The following POU6F2 variants were observed in gnomAD, a reference collection of about 807,000 sequenced individuals.
POU6F2 encodes the protein POU class 6 homeobox 2.
Under a neutral mutation model 71.3 loss-of-function variants are expected in POU6F2, and 31 were observed. That is an observed-to-expected ratio of 0.43 (90% CI 0.33 to 0.59). POU6F2 has a LOEUF of 0.59. Ranked by LOEUF, POU6F2 falls within the 20% of genes least tolerant of loss-of-function variation. The probability of loss-of-function intolerance (pLI) is 0.04; values close to 1 mark genes in which losing one functional copy is unlikely to be tolerated. For synonymous variants in POU6F2, 347 were observed against 355.7 expected (o/e 0.98, Z 0.27); for missense variants, 783 against 856.8 (o/e 0.91, Z 1.07).
Position 39,460,644 on chromosome 7 carries a change from G to C in POU6F2, c.1587G>C (p.Leu529=). ...AAATCCGGCGCCTGTCCCTTGGCCT[G>C]ACCCAGACTCAGGTGGGACAGGCTC... The part of the protein sequence containing the change: ...AFKIRRLSLG[L]TQTQVGQALS... Residue 529 remains leucine (L), a synonymous_variant, in exon 9 of 10, where the codon CTG becomes CTC. Transcript: ENST00000518318. This position sits in a 1 kb window ranked among gnomAD's most constrained non-coding sequence, Gnocchi z 4.4. 1 of 1,609,586 alleles carries C rather than the reference G, an allele frequency of 6.2e-7. No individual in the cohort carries two copies. Among genetic ancestry groups the C allele is most frequent in the South Asian group, 1.1e-5 (1 of 89,980 alleles).
intron 4 of POU6F2, among the ~76,000 whole-genome samples, chr7:39,225,591 C>G (rs957432020): frequency 6.6e-6 from 1 of 152,018 alleles, no homozygotes; most frequent in Non-Finnish European, 1.5e-5. Flanking sequence ...CTTCACCCCC[C>G]ACCAAAGGGA....
intron 1 of POU6F2, among the ~76,000 whole-genome samples, chr7:39,019,308 C>G (rs1213011666): frequency 7.2e-5 from 11 of 152,150 alleles, no homozygotes; most frequent in Admixed American, 7.2e-4. Flanking sequence ...ATGTCTGAAA[C>G]CAATTTGGTC....
intron 2 of POU6F2, among the ~76,000 whole-genome samples, chr7:39,157,735 A>C (rs1367282467): frequency 6.6e-6 from 1 of 152,238 alleles, no homozygotes; most frequent in Non-Finnish European, 1.5e-5. Context: ...CCTACAGCTG[A>C]AATCATGCAC....
rs532937288 is a variant in POU6F2, at chr7:39,300,329, C to T, written c.599-39313C>T. Among the ~76,000 whole-genome samples, 18 of 152,176 alleles carry T rather than the reference C, an allele frequency of 1.2e-4. 1 individual carries two copies. In the East Asian group the frequency reaches 2.5e-3, roughly 21 times the overall value. ...ATAATCAAGGATGTATCCAGATCCCCGAAGACCAGGAAGGGAGGGAAAGTG... is the reference window on the plus strand; with the variant it reads ...ATAATCAAGGATGTATCCAGATCCCTGAAGACCAGGAAGGGAGGGAAAGTG... On this transcript the variant is annotated intron_variant, in intron 4 of 9. Coordinates refer to ENST00000518318, the MANE Select transcript of POU6F2 (RefSeq NM_001370959.1).
rs1323216671 is a variant in POU6F2, at chr7:39,067,063, G to A, written c.106-18797G>A. ...ATAAAATGTATATATTATGTATATGGCATATATATACACTTAACGTATACA... is the reference window on the plus strand; with the variant it reads ...ATAAAATGTATATATTATGTATATGACATATATATACACTTAACGTATACA... On this transcript the variant is annotated intron_variant, in intron 1 of 9. Transcript: ENST00000518318. Among the ~76,000 whole-genome samples, 3 of 146,442 alleles carry A rather than the reference G, an allele frequency of 2.0e-5. No individual in the cohort carries two copies. The South Asian group carries it at 6.5e-4, about 32-fold the overall frequency.
chr7:39,034,008 T>C (rs1030504580), intron 1 of POU6F2, among the ~76,000 whole-genome samples: 1 of 152,154 alleles, frequency 6.6e-6, no homozygotes, highest in Non-Finnish European at 1.5e-5. Flanking sequence ...AATTTTTCAG[T>C]GTGCGTAAAT....
rs567066091 is a variant in POU6F2, at chr7:39,448,647, A to C, written c.1321-2886A>C. On this transcript the variant is annotated intron_variant, in intron 7 of 9. Coordinates refer to ENST00000518318, the MANE Select transcript of POU6F2 (RefSeq NM_001370959.1). ...TGCTCTAGTGACTCTTAATTTAAGC[A>C]ATATTGCAGTCTAGTAATTTTTTCT... Among the ~76,000 whole-genome samples, 3 of 152,336 alleles carry C rather than the reference A, an allele frequency of 2.0e-5. No individual in the cohort carries two copies. In the South Asian group the frequency reaches 6.2e-4, roughly 32 times the overall value.
chr7:39,166,036 C>T (rs957537878), intron 2 of POU6F2, among the ~76,000 whole-genome samples: 1 of 152,206 alleles, frequency 6.6e-6, no homozygotes, highest in Non-Finnish European at 1.5e-5. Context: ...CATTGCACCT[C>T]ACTACTCAGC....
intron 7 of POU6F2, among the ~76,000 whole-genome samples, chr7:39,437,833 A>G (rs1432806390): frequency 1.3e-5 from 2 of 152,058 alleles, no homozygotes; most frequent in Non-Finnish European, 2.9e-5. Flanking sequence ...CTTTGTTCTC[A>G]TTAGTTTCAA....
chr7:39,138,997 C>A (rs1792441697), intron 2 of POU6F2, among the ~76,000 whole-genome samples: 1 of 152,156 alleles, frequency 6.6e-6, no homozygotes. Flanking sequence ...GGGCAAGAAA[C>A]CTGTGCAGTC....
chr7:39,376,598 C>T (rs1381287729), intron 5 of POU6F2, among the ~76,000 whole-genome samples: 1 of 152,092 alleles, frequency 6.6e-6, no homozygotes, highest in Non-Finnish European at 1.5e-5. Flanking sequence ...AAAGTAAGAC[C>T]CAGAGTATTT....
At chr7:39,311,705 G>A (rs1785168845) in intron 4 of POU6F2, among the ~76,000 whole-genome samples, 1 of 151,876 alleles carries the variant, frequency 6.6e-6, no homozygotes, top group Non-Finnish European at 1.5e-5. Flanking sequence ...GGCTATAGCT[G>A]TAGATAAAGC....
At chr7:39,319,634 C>T (rs539237873) in intron 4 of POU6F2, among the ~76,000 whole-genome samples, 1 of 152,324 alleles carries the variant, frequency 6.6e-6, no homozygotes, top group Non-Finnish European at 1.5e-5. Flanking sequence ...CAAGTGCCAG[C>T]CACCAGGGCC....
chr7:39,307,784 A>G (rs976990677), intron 4 of POU6F2, among the ~76,000 whole-genome samples: 2 of 152,128 alleles, frequency 1.3e-5, no homozygotes, highest in Non-Finnish European at 2.9e-5. Flanking sequence ...CATGGTCAAC[A>G]TGGCAAAACC....
intron 4 of POU6F2, among the ~76,000 whole-genome samples, chr7:39,284,495 C>T (rs934307328): frequency 6.6e-6 from 1 of 152,150 alleles, no homozygotes; most frequent in African/African-American, 2.4e-5. Context: ...GTACATATGA[C>T]CAGCTGTCTG....
intron 1 of POU6F2, chr7:39,034,552 G>A (rs1051969188): frequency 1.0e-4 from 39 of 373,216 alleles, no homozygotes; most frequent in Admixed American, 2.9e-4. Context: ...GATTGGGTTC[G>A]CTCTGGGCTT....
In POU6F2 at chr7:39,412,778, C is replaced by CTTTTTTTT. The variant is rs1166811956; in HGVS notation, c.1113+6072_1113+6079dup. Among the ~76,000 whole-genome samples, 76 of 23,186 alleles carry CTTTTTTTT rather than the reference C, an allele frequency of 3.3e-3. 35 individuals are homozygous for CTTTTTTTT. The highest frequency in any genetic ancestry group is 6.0e-3 in the Non-Finnish European group (57 of 9,470). The allele number at this position is 23,186 out of a possible 152,430, so 15.2% of individuals were successfully genotyped here. A position where few individuals can be genotyped will look rare whatever the true frequency, so the allele number is the denominator to read the frequency against. ...TCCGTATTAGCTTCAGTTTTCTTGC[C>CTTTTTTTT]TTTTTTTTTTTTTTTTTTTTTTTTT... On this transcript the variant is annotated intron_variant, in intron 6 of 9. Coordinates refer to ENST00000518318, the MANE Select transcript of POU6F2 (RefSeq NM_001370959.1).
At chr7:39,107,072 G>A (rs1206697195) in intron 2 of POU6F2, among the ~76,000 whole-genome samples, 4 of 143,846 alleles carry the variant, frequency 2.8e-5, no homozygotes, top group African/African-American at 5.2e-5. Context: ...TTCAAACAAG[G>A]CCTACTCTGT....
chr7:39,451,238 T>G (rs1347022640), intron 7 of POU6F2, among the ~76,000 whole-genome samples: 1 of 151,944 alleles, frequency 6.6e-6, no homozygotes, highest in Non-Finnish European at 1.5e-5. Flanking sequence ...GACAGAAAGG[T>G]CCAGCCACAT....
Sources: gnomAD v4.1 joint callset for allele counts (sites outside exome capture counted in the v4.1 genomes callset) on GRCh38, gnomAD v4.1.1 for gene constraint, Gnocchi (gnomAD v3.1) non-coding constraint, MANE v1.5 for transcripts, NCBI Gene and HGNC (gene_info 2026-07-23, HGNC 2026-07-21) for gene names.